CSMD3: variants seen among roughly 807,000 people sequenced by gnomAD.
CSMD3 encodes the protein CUB and Sushi multiple domains 3.
In CSMD3, 177 loss-of-function variants were observed where a neutral mutation model predicts 435.2. That is an observed-to-expected ratio of 0.41 (90% CI 0.36 to 0.46). CSMD3 has a LOEUF of 0.46. Among genes scored for constraint, CSMD3 ranks in the 20% least tolerant of loss-of-function variants. The pLI is 0.34. For missense variants in CSMD3, 4,265 were observed against 4,504.6 expected, an observed-to-expected ratio of 0.95 and a Z score of 1.52; for synonymous variants, 1,656 against 1,520.5, an observed-to-expected ratio of 1.09 and a Z score of -2.07.
chr8:113,018,953 C>T, intron 6 of CSMD3, 114 bp downstream of exon 6: 1 of 753,826 alleles, frequency 1.3e-6, no homozygotes, highest in South Asian at 1.4e-5. Flanking sequence ...CCATTTTTTT[C>T]AATACAAATT....
At chr8:113,271,404 G>A (rs983603857) in intron 3 of CSMD3, among the ~76,000 whole-genome samples, 3 of 152,238 alleles carry the variant, frequency 2.0e-5, no homozygotes, top group East Asian at 1.9e-4. Flanking sequence ...CATGCTGTAT[G>A]CAGCCTAGGG....
At chr8:112,225,732 A>G (rs921126248) in intron 70 of CSMD3, among the ~76,000 whole-genome samples, 4 of 152,210 alleles carry the variant, frequency 2.6e-5, no homozygotes, top group African/African-American at 7.2e-5. Flanking sequence ...AAAAATTCAA[A>G]GAAGAAATGG....
intron 32 of CSMD3, among the ~76,000 whole-genome samples, 174 bp downstream of exon 32, chr8:112,472,417 T>C (rs754317733): frequency 4.6e-5 from 7 of 152,156 alleles, no homozygotes; most frequent in East Asian, 1.9e-4. Flanking sequence ...TAAATTCAGA[T>C]TGAGTAAGAT....
At chr8:113,409,401 AT>A (rs1456229885) in intron 1 of CSMD3, among the ~76,000 whole-genome samples, 3 of 151,558 alleles carry the variant, frequency 2.0e-5, no homozygotes, top group African/African-American at 2.4e-5. Flanking sequence ...ATTTTACTAC[AT>A]TGTCAAGGTT....
At chr8:112,808,213 T>C (rs1210384562) in intron 12 of CSMD3, among the ~76,000 whole-genome samples, 3 of 152,164 alleles carry the variant, frequency 2.0e-5, no homozygotes, top group Non-Finnish European at 4.4e-5. Context: ...ATAGTATATA[T>C]GATGTTTGGA....
intron 34 of CSMD3, among the ~76,000 whole-genome samples, chr8:112,408,008 T>C (rs1460453289): frequency 1.3e-5 from 2 of 151,960 alleles, no homozygotes; most frequent in African/African-American, 4.8e-5. Context: ...CTAAATAGTC[T>C]AGAGTGCTAG....
chr8:112,503,570 T>C (rs557273870), intron 30 of CSMD3, among the ~76,000 whole-genome samples: 1 of 152,214 alleles, frequency 6.6e-6, no homozygotes, highest in Non-Finnish European at 1.5e-5. Context: ...TTTGTTTGCC[T>C]GATACCTTTC....
intron 5 of CSMD3, among the ~76,000 whole-genome samples, chr8:113,035,018 T>C (rs1033139724): frequency 1.3e-5 from 2 of 151,966 alleles, no homozygotes; most frequent in African/African-American, 4.8e-5. Context: ...GAAAAACTTT[T>C]ATAGAGTATT....
chr8:112,237,123 A>C, intron 67 of CSMD3, 67 bp downstream of exon 67: 1 of 1,516,800 alleles, frequency 6.6e-7, no homozygotes, highest in Non-Finnish European at 9.2e-7. Context: ...GCATTACTAA[A>C]AATGATGAAA....
intron 66 of CSMD3, among the ~76,000 whole-genome samples, chr8:112,240,757 C>A (rs1217687028): frequency 6.6e-6 from 1 of 152,052 alleles, no homozygotes. Flanking sequence ...CCATAATTCC[C>A]ACATGTTGTA....
intron 13 of CSMD3, among the ~76,000 whole-genome samples, chr8:112,764,646 T>C (rs1398809239): frequency 1.3e-5 from 2 of 151,344 alleles, no homozygotes; most frequent in African/African-American, 2.4e-5. Flanking sequence ...GTTTTTATTA[T>C]ATTGTTAAAA....
chr8:112,533,314 T>G (rs868165852), intron 27 of CSMD3, among the ~76,000 whole-genome samples: 1 of 152,024 alleles, frequency 6.6e-6, no homozygotes, highest in Non-Finnish European at 1.5e-5. Context: ...AATTTTCAAT[T>G]GAAAAACAAA....
intron 7 of CSMD3, among the ~76,000 whole-genome samples, chr8:112,957,114 T>C (rs2084048264): frequency 1.3e-5 from 2 of 152,220 alleles, no homozygotes; most frequent in Admixed American, 1.3e-4. Context: ...ATTACAAGAC[T>C]ATTCTAAATC....
At chr8:113,093,591 A>T (rs185671598) in intron 5 of CSMD3, among the ~76,000 whole-genome samples, 86 of 152,180 alleles carry the variant, frequency 5.7e-4, no homozygotes, top group Admixed American at 3.1e-3. Flanking sequence ...TAGGGAGCAA[A>T]AATTGATGGT....
chr8:112,273,725 CAAA>C (rs371418820), intron 59 of CSMD3, among the ~76,000 whole-genome samples: 3 of 112,014 alleles, frequency 2.7e-5, no homozygotes, highest in Admixed American at 9.8e-5. Context: ...GACTCTGTCT[CAAA>C]AAAAAAAAAA....
chr8:112,243,182 C>G (rs1438426585), intron 65 of CSMD3, among the ~76,000 whole-genome samples: 1 of 151,338 alleles, frequency 6.6e-6, no homozygotes. Context: ...CAGATAATTA[C>G]AAGCAAACAA....
In CSMD3 at chr8:112,224,410, A is replaced by G. The variant is rs1812389329; in HGVS notation, c.*361T>C. 3 of 307,562 alleles carry G rather than the reference A, an allele frequency of 9.8e-6. No homozygotes were observed. The highest frequency in any genetic ancestry group is 9.5e-5 in the South Asian group (3 of 31,720). 19.1% of individuals were successfully genotyped at this position (307,562 alleles called of 1,614,324 possible). ...AGTATAGCTCTTATTTCTACCCTAT[A>G]TCTTTTTTTTTAAACCCAGTCCCTC... On this transcript the variant is annotated 3_prime_UTR_variant, in exon 71 of 71. Transcript: ENST00000297405.
At chr8:112,609,021 T>TTTTTTA (rs1833019353) in intron 22 of CSMD3, among the ~76,000 whole-genome samples, 1 of 151,496 alleles carries the variant, frequency 6.6e-6, no homozygotes, top group Non-Finnish European at 1.5e-5. Flanking sequence ...GAAAAGTTTC[T>TTTTTTA]GCCCAGCAAG....
chr8:112,364,914 T>C (rs1827618697), intron 38 of CSMD3, among the ~76,000 whole-genome samples: 1 of 152,102 alleles, frequency 6.6e-6, no homozygotes, highest in Non-Finnish European at 1.5e-5. Flanking sequence ...AAAGAAAACT[T>C]GAATACTTCA....
Sources: gnomAD v4.1 joint callset for allele counts (sites outside exome capture counted in the v4.1 genomes callset) on GRCh38, gnomAD v4.1.1 for gene constraint, MANE v1.5 for transcripts, NCBI Gene and HGNC (gene_info 2026-07-23, HGNC 2026-07-21) for gene names.